Variants in SLC25A33 observed in about 807,000 individuals in gnomAD.
SLC25A33 encodes the protein bone marrow stromal cell mitochondrial carrier protein.
In SLC25A33, 15 loss-of-function variants were observed where a neutral mutation model predicts 35.5. The observed-to-expected ratio is 0.42, with a 90% CI of 0.28 to 0.65. The LOEUF (loss-of-function observed/expected upper bound fraction) is 0.65, where lower values mean the gene tolerates loss of function less well. Ranked by LOEUF, SLC25A33 falls within the 30% of genes least tolerant of loss-of-function variation. SLC25A33 has a pLI of 0.20. For synonymous variants in SLC25A33, 136 were observed against 148.7 expected (o/e 0.91, Z 0.62); for missense variants, 257 against 398.5 (o/e 0.64, Z 3.02).
At position 9,539,502 on chromosome 1, in the gene SLC25A33, G is replaced by A. The variant is rs941949887; in HGVS notation, c.-190G>A. 8 of 234,964 alleles carry A rather than the reference G, an allele frequency of 3.4e-5. No individual in the cohort carries two copies. In the Admixed American group the frequency reaches 3.5e-4, roughly 10 times the overall value. The allele number at this position is 234,964 out of a possible 1,614,324, so 14.6% of individuals were successfully genotyped here. A position where few individuals can be genotyped will look rare whatever the true frequency, so the allele number is the denominator to read the frequency against. ...GGCTCGCGCCGCAGAGGCCGGTGAG[G>A]CGCCGGCGGCCACGCCGCGGAAGGC... On this transcript the variant is annotated 5_prime_UTR_variant, in exon 1 of 7. Transcript: ENST00000302692.
At chr1:9,569,623 A>G (rs1643560904) in intron 3 of SLC25A33, among the ~76,000 whole-genome samples, 1 of 152,218 alleles carries the variant, frequency 6.6e-6, no homozygotes, top group South Asian at 2.1e-4. Flanking sequence ...AGCAGAAGAA[A>G]GAAACATTTT....
chr1:9,559,913 G>A (rs187403937), intron 2 of SLC25A33, among the ~76,000 whole-genome samples: 36 of 152,226 alleles, frequency 2.4e-4, no homozygotes, highest in South Asian at 6.2e-4. Context: ...TACAAAGCCC[G>A]TGTTAGTTTC....
chr1:9,584,276 C>T lies in SLC25A33; in HGVS notation c.*1775C>T, dbSNP rs1348554468. On this transcript the variant is annotated 3_prime_UTR_variant, in exon 7 of 7. Transcript: ENST00000302692. ...TCCAAGTTATTTTAAATTGAGTTTA[C>T]TTTTAACTGGGGTTCTTGACTCTAG... The T allele has an allele frequency of 6.6e-6, 1 of 152,226 alleles. No individual in the cohort carries two copies. The highest frequency in any genetic ancestry group is 1.5e-5 in the Non-Finnish European group (1 of 68,040). The allele number at this position is 152,226 out of a possible 1,614,324, so 9.4% of individuals were successfully genotyped here. A position where few individuals can be genotyped will look rare whatever the true frequency, so the allele number is the denominator to read the frequency against.
At chr1:9,557,501 C>G (rs1345395172) in intron 2 of SLC25A33, among the ~76,000 whole-genome samples, 1 of 152,080 alleles carries the variant, frequency 6.6e-6, no homozygotes, top group Non-Finnish European at 1.5e-5. Context: ...GAGTTTGAGA[C>G]CAGCCTGGGC....
intron 5 of SLC25A33, among the ~76,000 whole-genome samples, chr1:9,577,355 C>T (rs891132699): frequency 6.6e-6 from 1 of 152,124 alleles, no homozygotes; most frequent in African/African-American, 2.4e-5. Context: ...GGCGTGAACC[C>T]GGGAGCCTGT....
intron 1 of SLC25A33, among the ~76,000 whole-genome samples, chr1:9,548,275 C>G (rs1643209971): frequency 6.6e-6 from 1 of 152,086 alleles, no homozygotes; most frequent in Non-Finnish European, 1.5e-5. Context: ...ACTATAAGAC[C>G]TATACACAAA....
At chr1:9,575,520 C>T (rs1289631720) in intron 5 of SLC25A33, among the ~76,000 whole-genome samples, 2 of 151,980 alleles carry the variant, frequency 1.3e-5, no homozygotes, top group African/African-American at 4.8e-5. Context: ...TAGAGTGAGG[C>T]AGGAGAATCA....
At chr1:9,555,395 G>A (rs1052426064) in intron 2 of SLC25A33, among the ~76,000 whole-genome samples, 1 of 152,090 alleles carries the variant, frequency 6.6e-6, no homozygotes, top group Non-Finnish European at 1.5e-5. Flanking sequence ...TGGGATTACA[G>A]GCGTGAGCCA....
chr1:9,570,920 C>G (rs906120650), intron 4 of SLC25A33, among the ~76,000 whole-genome samples: 2 of 151,980 alleles, frequency 1.3e-5, no homozygotes, highest in African/African-American at 4.8e-5. Flanking sequence ...ACCACATTGC[C>G]CGGGCTGATC....
rs906242512 is a variant in SLC25A33 at position 9,578,108 on chromosome 1, C to G, written c.483-1846C>G. The stretch of plus-strand genomic sequence containing the variant: ...AATTTTTTGTATTTTTTAGTAGAGA[C>G]GGGGTTTCACCGTGTTAGCCAGGAT... On this transcript the variant is annotated intron_variant, in intron 5 of 6. Transcript: ENST00000302692. The surrounding 1 kb of genome is among the most constrained non-coding windows in gnomAD (Gnocchi z 4.3). Among the ~76,000 whole-genome samples, 13 of 152,030 alleles carry G rather than the reference C, an allele frequency of 8.6e-5. No individual in the cohort carries two copies. The highest frequency in any genetic ancestry group is 1.8e-4 in the Non-Finnish European group (12 of 68,020).
At chr1:9,568,025 G>C (rs952935173) in intron 3 of SLC25A33, among the ~76,000 whole-genome samples, 1 of 152,252 alleles carries the variant, frequency 6.6e-6, no homozygotes, top group African/African-American at 2.4e-5. Flanking sequence ...GAAGAGCAGA[G>C]ATACAGGGCA....
rs1643690974 is a variant in SLC25A33, at chr1:9,578,225, G to A, written c.483-1729G>A. Among the ~76,000 whole-genome samples the A allele has an allele frequency of 6.6e-6, 1 of 152,058 alleles. No homozygotes were observed. Among genetic ancestry groups the A allele is most frequent in the Non-Finnish European group, 1.5e-5 (1 of 67,990 alleles). On this transcript the variant is annotated intron_variant, in intron 5 of 6. Coordinates refer to ENST00000302692, the MANE Select transcript of SLC25A33 (RefSeq NM_032315.3). The surrounding 1 kb of genome is among the most constrained non-coding windows in gnomAD (Gnocchi z 4.3). ...GAGCCACCGCACCCGGCCTCTGGAT[G>A]GTTTTAAGCACGGGAGTTGCATGGT...
chr1:9,565,569 A>C (rs1643489299), intron 2 of SLC25A33, among the ~76,000 whole-genome samples: 1 of 150,282 alleles, frequency 6.7e-6, no homozygotes, highest in Non-Finnish European at 1.5e-5. Flanking sequence ...TGTCATCACA[A>C]AAAAAAAAGT....
At chr1:9,576,505 G>A (rs1557537087) in intron 5 of SLC25A33, 1 of 510,486 alleles carries the variant, frequency 2.0e-6, no homozygotes, top group Non-Finnish European at 3.9e-6. Flanking sequence ...CACAGTTACT[G>A]TGAATGGCCC....
chr1:9,553,183 C>G (rs1309069719), intron 1 of SLC25A33, among the ~76,000 whole-genome samples: 1 of 76,444 alleles, frequency 1.3e-5, no homozygotes, highest in African/African-American at 5.0e-5. Flanking sequence ...TTTTATTAAC[C>G]TTTATTGTGT....
At chr1:9,549,703 C>T in intron 1 of SLC25A33, among the ~76,000 whole-genome samples, 1 of 150,814 alleles carries the variant, frequency 6.6e-6, no homozygotes, top group Non-Finnish European at 1.5e-5. Context: ...TCACTGTAAC[C>T]TCCGCCTCCC....
At chr1:9,572,386 C>T (rs935209202) in intron 4 of SLC25A33, among the ~76,000 whole-genome samples, 3 of 151,704 alleles carry the variant, frequency 2.0e-5, no homozygotes, top group Non-Finnish European at 4.4e-5. Flanking sequence ...CCGAGGCGAG[C>T]GGATCACGAG....
At chr1:9,548,480 G>T (rs541323153) in intron 1 of SLC25A33, among the ~76,000 whole-genome samples, 27 of 152,254 alleles carry the variant, frequency 1.8e-4, no homozygotes, top group African/African-American at 6.5e-4. Flanking sequence ...AACTCATGAG[G>T]GTGAGGCATG....
chr1:9,542,243 A>C (rs1557522053), intron 1 of SLC25A33, among the ~76,000 whole-genome samples: 1 of 152,074 alleles, frequency 6.6e-6, no homozygotes, highest in South Asian at 2.1e-4. Context: ...TCTGGCTGCC[A>C]GATTCTCCTC....
Sources: allele counts gnomAD v4.1 joint callset (sites outside exome capture counted in the v4.1 genomes callset), GRCh38; gene constraint gnomAD v4.1.1; non-coding constraint Gnocchi (gnomAD v3.1); transcripts MANE v1.5; gene names NCBI Gene and HGNC (gene_info 2026-07-23, HGNC 2026-07-21).